Variants in C1orf94 observed in about 807,000 individuals in gnomAD.
C1orf94 encodes the protein chromosome 1 open reading frame 94.
In C1orf94, 45 loss-of-function variants were observed where a neutral mutation model predicts 53.6. The ratio of observed to expected loss-of-function variants is 0.84; its 90% CI spans 0.66 to 1.08. The LOEUF (loss-of-function observed/expected upper bound fraction) is 1.08, where lower values mean the gene tolerates loss of function less well. Among genes scored for constraint, C1orf94 ranks in the 50% least tolerant of loss-of-function variants. The pLI, the probability that C1orf94 is intolerant of heterozygous loss-of-function variation, is 0.00. For missense variants in C1orf94, 762 were observed against 738.9 expected, an observed-to-expected ratio of 1.03 and a Z score of -0.36; for synonymous variants, 304 against 296.1, an observed-to-expected ratio of 1.03 and a Z score of -0.27.
intron 1 of C1orf94, among the ~76,000 whole-genome samples, chr1:34,168,630 G>A (rs1642089722): frequency 6.6e-6 from 1 of 152,226 alleles, no homozygotes; most frequent in South Asian, 2.1e-4. Context: ...GGAAGTCCAA[G>A]ATCAAGAGGT....
chr1:34,177,298 CGCCTCCTGCGGGGCCCCGCCCCCCGAGT>C lies in C1orf94; in HGVS notation c.-487_-460del, dbSNP rs1379291707. 2.3e-4 allele frequency among the ~76,000 whole-genome samples: 35 copies of C among 152,202 alleles called. No individual in the cohort carries two copies. Among genetic ancestry groups the C allele is most frequent in the Non-Finnish European group, 4.1e-4 (28 of 68,034 alleles). ...GGCTCCCTGGGAACGCCCAGGCGAGCGCCTCCTGCGGGGCCCCGCCCCCCGAGTGCCTACAATGGTGCCAGGCCCGCAC... is the reference window on the plus strand; with the variant it reads ...GGCTCCCTGGGAACGCCCAGGCGAGCGCCTACAATGGTGCCAGGCCCGCAC... On this transcript the variant is annotated 5_prime_UTR_variant, in exon 1 of 7. Transcript: ENST00000488417.
chr1:34,187,769 ACCCC>A (rs1304813112), intron 1 of C1orf94, among the ~76,000 whole-genome samples: 17 of 42,056 alleles, frequency 4.0e-4, no homozygotes, highest in African/African-American at 1.5e-3. Flanking sequence ...GAATCCACCC[ACCCC>A]CCCCCCCCCG....
At chr1:34,208,060 G>C (rs542403277) in intron 4 of C1orf94, 97 bp from the exon 5 acceptor site, 1 of 1,246,628 alleles carries the variant, frequency 8.0e-7, no homozygotes, top group East Asian at 2.5e-5. Flanking sequence ...AATGTGATGG[G>C]ACAAACTCAG....
intron 6 of C1orf94, among the ~76,000 whole-genome samples, chr1:34,216,157 G>T (rs980134063): frequency 1.3e-5 from 2 of 152,208 alleles, no homozygotes; most frequent in Non-Finnish European, 2.9e-5. Flanking sequence ...GCTATGGATA[G>T]GTAGGTGCAT....
chr1:34,203,006 A>G (rs1326594046), intron 4 of C1orf94, among the ~76,000 whole-genome samples: 3 of 152,258 alleles, frequency 2.0e-5, no homozygotes, highest in Admixed American at 2.0e-4. Context: ...ATACAGGAGC[A>G]TGCGCATAAG....
At chr1:34,215,240 G>A (rs965177429) in intron 6 of C1orf94, among the ~76,000 whole-genome samples, 1 of 152,126 alleles carries the variant, frequency 6.6e-6, no homozygotes, top group Non-Finnish European at 1.5e-5. Context: ...AAAGTGCAAG[G>A]GCTCTGAGGT....
At chr1:34,217,264 G>C (rs1280840059) in intron 6 of C1orf94, among the ~76,000 whole-genome samples, 1 of 152,084 alleles carries the variant, frequency 6.6e-6, no homozygotes, top group Non-Finnish European at 1.5e-5. Flanking sequence ...CGTACATACT[G>C]TCTAGATCAT....
intron 1 of C1orf94, among the ~76,000 whole-genome samples, chr1:34,168,773 G>A (rs1321369506): frequency 1.3e-5 from 2 of 152,060 alleles, no homozygotes; most frequent in East Asian, 1.9e-4. Context: ...CAGTCATACT[G>A]GATTAAGGCC....
At chr1:34,173,754 T>A (rs1195554783), upstream of C1orf94, among the ~76,000 whole-genome samples, 1 of 152,202 alleles carries the variant, frequency 6.6e-6, no homozygotes, top group South Asian at 2.1e-4. Flanking sequence ...CAGGGTAATG[T>A]AAGTAGTCAG....
At position 34,177,310 on chromosome 1, in the gene C1orf94, G is replaced by T. The variant is rs1399778236; in HGVS notation, c.-480G>T. On this transcript the variant is annotated 5_prime_UTR_variant, in exon 1 of 7. Coordinates refer to ENST00000488417, the MANE Select transcript of C1orf94 (RefSeq NM_001134734.2). ...ACGCCCAGGCGAGCGCCTCCTGCGGGGCCCCGCCCCCCGAGTGCCTACAAT... is the reference window on the plus strand; with the variant it reads ...ACGCCCAGGCGAGCGCCTCCTGCGGTGCCCCGCCCCCCGAGTGCCTACAAT... 1.3e-5 allele frequency among the ~76,000 whole-genome samples: 2 copies of T among 152,064 alleles called. No homozygotes were observed. Among genetic ancestry groups the T allele is most frequent in the Non-Finnish European group, 2.9e-5 (2 of 67,948 alleles).
chr1:34,171,890 G>T (rs1018916310), intron 1 of C1orf94, among the ~76,000 whole-genome samples: 1 of 152,196 alleles, frequency 6.6e-6, no homozygotes. Flanking sequence ...CCTCCATGAG[G>T]CCTGACCAGT....
intron 1 of C1orf94, among the ~76,000 whole-genome samples, chr1:34,193,668 A>T (rs901680839): frequency 7.9e-5 from 12 of 152,278 alleles, no homozygotes; most frequent in African/African-American, 2.9e-4. Flanking sequence ...CATTCTTCCC[A>T]TATGTAAAGT....
In C1orf94 at chr1:34,176,969, G is replaced by T. The variant is rs1571333951; in HGVS notation, c.-821G>T. Reference sequence around the variant, plus strand: ...ATTCCCCCGCTCGACGACGGCGAGGGTGTGGGAGCTACTGGCAGGCAAATT... The same window carrying T: ...ATTCCCCCGCTCGACGACGGCGAGGTTGTGGGAGCTACTGGCAGGCAAATT... On this transcript the variant is annotated 5_prime_UTR_variant, in exon 1 of 7. Coordinates refer to ENST00000488417, the MANE Select transcript of C1orf94 (RefSeq NM_001134734.2). Among the ~76,000 whole-genome samples the T allele has an allele frequency of 1.3e-5, 2 of 152,322 alleles. No homozygotes were observed. The highest frequency in any genetic ancestry group is 3.9e-4 in the East Asian group (2 of 5,148).
In C1orf94 at chr1:34,202,216, C is replaced by T. The variant is rs1369732493; in HGVS notation, c.1403C>T (p.Pro468Leu). Residue 468 changes from proline (P) to leucine (L), a missense_variant, in exon 4 of 7, where the codon CCT becomes CTT. Coordinates refer to ENST00000488417, the MANE Select transcript of C1orf94 (RefSeq NM_001134734.2). ...CTCTGGCTCAACCTGAACTATCCAC[C>T]TCCACCAGTGTTCACGAATCACTCT... Reference protein sequence around the residue: ...QPLWLNLNYPPPPVFTNHSTF... With the variant: ...QPLWLNLNYPLPPVFTNHSTF... 51 of 1,614,116 alleles carry T rather than the reference C, an allele frequency of 3.2e-5. No homozygotes were observed. Among genetic ancestry groups the T allele is most frequent in the Non-Finnish European group, 4.2e-5 (50 of 1,180,054 alleles).
upstream of C1orf94, among the ~76,000 whole-genome samples, chr1:34,175,222 T>C (rs1642207988): frequency 6.7e-6 from 1 of 150,180 alleles, no homozygotes; most frequent in Admixed American, 6.6e-5. Flanking sequence ...CAGTCCTTTC[T>C]GATTTAGCCC....
chr1:34,188,254 A>T (rs1642418438), intron 1 of C1orf94, among the ~76,000 whole-genome samples: 1 of 152,252 alleles, frequency 6.6e-6, no homozygotes, highest in Non-Finnish European at 1.5e-5. Context: ...TTAAAAGATA[A>T]CTGTCTGGTA....
At chr1:34,210,018 G>A (rs1050979426) in intron 5 of C1orf94, among the ~76,000 whole-genome samples, 3 of 152,034 alleles carry the variant, frequency 2.0e-5, no homozygotes, top group Non-Finnish European at 4.4e-5. Flanking sequence ...CGGCATTCTG[G>A]GCACACTGTT....
chr1:34,177,729 G>A lies in C1orf94; in HGVS notation c.-61G>A, dbSNP rs1224721920. ...CTGAACCTAACCACCTTGCTGGAGC[G>A]AAAGCCAGACAGAACTGACCCACTT... On this transcript the variant is annotated 5_prime_UTR_variant, in exon 1 of 7. Transcript: ENST00000488417. 35 of 1,441,312 alleles carry A rather than the reference G, an allele frequency of 2.4e-5. No homozygotes were observed. In the South Asian group the frequency reaches 3.2e-4, roughly 13 times the overall value. 89.3% of individuals were successfully genotyped at this position (1,441,312 alleles called of 1,614,324 possible).
At chr1:34,195,256 G>T (rs1642560284) in intron 1 of C1orf94, among the ~76,000 whole-genome samples, 2 of 152,162 alleles carry the variant, frequency 1.3e-5, no homozygotes. Flanking sequence ...TGTGCACAGG[G>T]CACTGTGCTG....
Sources: gnomAD v4.1 joint callset for allele counts (sites outside exome capture counted in the v4.1 genomes callset) on GRCh38, gnomAD v4.1.1 for gene constraint, MANE v1.5 for transcripts, NCBI Gene and HGNC (gene_info 2026-07-23, HGNC 2026-07-21) for gene names.